Variants in DCPS observed in about 807,000 individuals in gnomAD.
The protein encoded by DCPS is decapping enzyme, scavenger.
In DCPS, 27 loss-of-function variants were observed where a neutral mutation model predicts 34.7. The observed-to-expected ratio is 0.78, with a 90% CI of 0.57 to 1.07. The LOEUF (loss-of-function observed/expected upper bound fraction) is 1.07, where lower values mean the gene tolerates loss of function less well. Among genes scored for constraint, DCPS ranks in the 50% least tolerant of loss-of-function variants. The pLI is 0.00. For synonymous variants in DCPS, 185 were observed against 185.7 expected (o/e 1.00, Z 0.03); for missense variants, 464 against 436.9 (o/e 1.06, Z -0.55).
intron 5 of DCPS, among the ~76,000 whole-genome samples, chr11:126,343,627 C>A (rs1266442004): frequency 6.6e-6 from 1 of 152,162 alleles, no homozygotes; most frequent in Non-Finnish European, 1.5e-5. Context: ...CCTCACACGC[C>A]TTCCTCGGCC....
rs1190036192 is a variant in DCPS at position 126,323,034 on chromosome 11, G to A, written c.377-8371G>A. Reference sequence around the variant, plus strand: ...TAGAGATGGGGTCTTGCCATGTAGCGCAGGCTGGTCTCGAACTCCTGGGCT... The same window carrying A: ...TAGAGATGGGGTCTTGCCATGTAGCACAGGCTGGTCTCGAACTCCTGGGCT... On this transcript the variant is annotated intron_variant, in intron 2 of 5. Coordinates refer to ENST00000263579, the MANE Select transcript of DCPS (RefSeq NM_014026.6). This position sits in a 1 kb window ranked among gnomAD's most constrained non-coding sequence, Gnocchi z 4.4. 2.6e-5 allele frequency among the ~76,000 whole-genome samples: 4 copies of A among 151,980 alleles called. No individual in the cohort carries two copies. Among genetic ancestry groups the A allele is most frequent in the East Asian group, 1.9e-4 (1 of 5,176 alleles).
intron 1 of DCPS, among the ~76,000 whole-genome samples, chr11:126,305,243 A>T: frequency 6.6e-6 from 1 of 151,774 alleles, no homozygotes. Context: ...CCTGCCCAAT[A>T]GCTGGGATTA....
At chr11:126,314,637 A>T (rs1261103179) in intron 2 of DCPS, among the ~76,000 whole-genome samples, 1 of 152,180 alleles carries the variant, frequency 6.6e-6, no homozygotes, top group Admixed American at 6.5e-5. Flanking sequence ...GGTATATATC[A>T]TACCATGGAA....
intron 2 of DCPS, among the ~76,000 whole-genome samples, chr11:126,326,056 T>A (rs1389687038): frequency 1.3e-5 from 2 of 152,202 alleles, no homozygotes; most frequent in Non-Finnish European, 2.9e-5. Context: ...AGGCGGAGGT[T>A]GCAGTGAGCC....
rs1329800716 is a variant in DCPS, at chr11:126,320,233, T to C, written c.377-11172T>C. Among the ~76,000 whole-genome samples the C allele has an allele frequency of 6.6e-6, 1 of 152,152 alleles. No individual in the cohort carries two copies. The highest frequency in any genetic ancestry group is 1.5e-5 in the Non-Finnish European group (1 of 68,018). On this transcript the variant is annotated intron_variant, in intron 2 of 5. Coordinates refer to ENST00000263579, the MANE Select transcript of DCPS (RefSeq NM_014026.6). The surrounding 1 kb of genome is among the most constrained non-coding windows in gnomAD (Gnocchi z 4.7). ...ACTGTACTGTGAGGTCTAATCAGTG[T>C]CGGGTGTTATCTTAGGCACTGCACA...
At chr11:126,308,231 G>A (rs980715122) in intron 2 of DCPS, among the ~76,000 whole-genome samples, 1 of 152,250 alleles carries the variant, frequency 6.6e-6, no homozygotes, top group Admixed American at 6.5e-5. Flanking sequence ...GAGACTGGTT[G>A]ACCTTAAAGA....
intron 2 of DCPS, among the ~76,000 whole-genome samples, chr11:126,324,533 C>G (rs991626766): frequency 2.0e-5 from 3 of 150,746 alleles, no homozygotes; most frequent in Admixed American, 6.6e-5. Flanking sequence ...GCGCTCATCA[C>G]AACCTCCGTT....
chr11:126,317,598 T>G, intron 2 of DCPS, among the ~76,000 whole-genome samples: 1 of 152,212 alleles, frequency 6.6e-6, no homozygotes, highest in East Asian at 1.9e-4. Context: ...TATTTCACAG[T>G]GCAGCACAGT....
At chr11:126,317,113 C>T (rs558831546) in intron 2 of DCPS, among the ~76,000 whole-genome samples, 1 of 152,146 alleles carries the variant, frequency 6.6e-6, no homozygotes, top group African/African-American at 2.4e-5. Flanking sequence ...CGCGTGCCAC[C>T]ACGCCCAGTT....
Position 126,345,325 on chromosome 11 carries a change from C to A in DCPS, c.748-22C>A, listed in dbSNP as rs1951910152. On this transcript the variant is annotated intron_variant, in intron 5 of 5. Coordinates refer to ENST00000263579, the MANE Select transcript of DCPS (RefSeq NM_014026.6). The surrounding 1 kb of genome is among the most constrained non-coding windows in gnomAD (Gnocchi z 7.4). Reference sequence around the variant, plus strand: ...CTCAGGCAGCACGGTGACTCCTGACCTGCCTGCCCCTGTCTCATCAGGAGG... The same window carrying A: ...CTCAGGCAGCACGGTGACTCCTGACATGCCTGCCCCTGTCTCATCAGGAGG... 1 of 1,612,586 alleles carries A rather than the reference C, an allele frequency of 6.2e-7. No individual in the cohort carries two copies. The highest frequency in any genetic ancestry group is 1.7e-5 in the Admixed American group (1 of 59,982).
rs1165260410 is a variant in DCPS, at chr11:126,305,413, C to CTTTTTTTTTTTT, written c.202-1144_202-1133dup. Among the ~76,000 whole-genome samples the CTTTTTTTTTTTT allele has an allele frequency of 2.6e-4, 18 of 68,324 alleles. 1 individual carries two copies. The highest frequency in any genetic ancestry group is 4.2e-4 in the Non-Finnish European group (15 of 36,126). The allele number at this position is 68,324 out of a possible 152,430, so 44.8% of individuals were successfully genotyped here. A position where few individuals can be genotyped will look rare whatever the true frequency, so the allele number is the denominator to read the frequency against. On this transcript the variant is annotated intron_variant, in intron 1 of 5. Transcript: ENST00000263579. Reference sequence around the variant, plus strand: ...TACAGGCGTGAGCCACCGCACCCGCCTTTTTTTTTTTTTTTTTTTTTTTTG... The same window carrying CTTTTTTTTTTTT: ...TACAGGCGTGAGCCACCGCACCCGCCTTTTTTTTTTTTTTTTTTTTTTTTTTTTTTTTTTTTG...
At chr11:126,305,302 T>A (rs559346604) in intron 1 of DCPS, among the ~76,000 whole-genome samples, 163 of 145,384 alleles carry the variant, frequency 1.1e-3, no homozygotes, top group Non-Finnish European at 1.9e-3. Context: ...TTAGTAGAGA[T>A]GGGGGTTTCA....
rs1203452776 is a variant in DCPS, at chr11:126,323,346, T to G, written c.377-8059T>G. Among the ~76,000 whole-genome samples, 1 of 152,228 alleles carries G rather than the reference T, an allele frequency of 6.6e-6. No homozygotes were observed. Among genetic ancestry groups the G allele is most frequent in the African/African-American group, 2.4e-5 (1 of 41,456 alleles). ...TCAAAATACAATTATTGTTTTACCT[T>G]GAGCGGTAGAAAGTTCAGCTTTAGA... is the stretch of plus-strand genomic sequence containing the variant. On this transcript the variant is annotated intron_variant, in intron 2 of 5. Coordinates refer to ENST00000263579, the MANE Select transcript of DCPS (RefSeq NM_014026.6). The surrounding 1 kb of genome is among the most constrained non-coding windows in gnomAD (Gnocchi z 4.4).
At position 126,345,338 on chromosome 11, in the gene DCPS, T is replaced by G. The variant is rs1951910591; in HGVS notation, c.748-9T>G. The G allele has an allele frequency of 2.5e-6, 4 of 1,613,342 alleles. No homozygotes were observed. In the South Asian group the frequency reaches 3.3e-5, roughly 13 times the overall value. ...GTGACTCCTGACCTGCCTGCCCCTG[T>G]CTCATCAGGAGGCCATCCTGCAGCG... On this transcript the variant is annotated splice_polypyrimidine_tract_variant and intron_variant, in intron 5 of 5. Transcript: ENST00000263579. This position sits in a 1 kb window ranked among gnomAD's most constrained non-coding sequence, Gnocchi z 7.4.
In DCPS at chr11:126,338,337, G is replaced by C. The variant is rs139170738; in HGVS notation, c.574G>C (p.Glu192Gln). 3.5e-4 allele frequency: 573 copies of C among 1,614,148 alleles called. 10 individuals carry two copies. The East Asian group carries it at 0.013, about 35-fold the overall frequency. Residue 192 changes from glutamate to glutamine, a missense_variant, in exon 4 of 6, where the codon GAG becomes CAG. Transcript: ENST00000263579. The surrounding 1 kb of genome is among the most constrained non-coding windows in gnomAD (Gnocchi z 5.4). ...KKAEADRIVF[E>Q]NPDPSDGFVL... ...GGCTGAAGCGGACCGGATTGTTTTC[G>C]AGAACCCAGATCCCTCTGATGGTTT...
chr11:126,316,941 C>T (rs1951664199), intron 2 of DCPS, among the ~76,000 whole-genome samples: 1 of 147,602 alleles, frequency 6.8e-6, no homozygotes, highest in South Asian at 2.1e-4. Flanking sequence ...CAGGTGTGAC[C>T]CACCATGCCC....
chr11:126,326,653 G>A (rs1413404077), intron 2 of DCPS, among the ~76,000 whole-genome samples: 1 of 152,210 alleles, frequency 6.6e-6, no homozygotes, highest in Non-Finnish European at 1.5e-5. Flanking sequence ...GCCGGGCGCA[G>A]TGGCTCACGC....
chr11:126,345,677 A>T lies in DCPS; in HGVS notation c.*64A>T. On this transcript the variant is annotated 3_prime_UTR_variant, in exon 6 of 6. Coordinates refer to ENST00000263579, the MANE Select transcript of DCPS (RefSeq NM_014026.6). The surrounding 1 kb of genome is among the most constrained non-coding windows in gnomAD (Gnocchi z 7.4). ...GGGAGGAGTGGGGACAAGATTTTTT[A>T]TCTCCAAGTGAATTTTCTAAAAATG... is the stretch of plus-strand genomic sequence containing the variant. The T allele has an allele frequency of 6.4e-7, 1 of 1,566,862 alleles. No individual in the cohort carries two copies. Among genetic ancestry groups the T allele is most frequent in the Non-Finnish European group, 8.6e-7 (1 of 1,159,036 alleles).
chr11:126,311,061 G>C (rs1304191963), intron 2 of DCPS, among the ~76,000 whole-genome samples: 1 of 152,046 alleles, frequency 6.6e-6, no homozygotes, highest in South Asian at 2.1e-4. Context: ...CTCCTCATTC[G>C]TTTATCCCCT....
Sources: allele counts gnomAD v4.1 joint callset (sites outside exome capture counted in the v4.1 genomes callset), GRCh38; gene constraint gnomAD v4.1.1; non-coding constraint Gnocchi (gnomAD v3.1); transcripts MANE v1.5; gene names NCBI Gene and HGNC (gene_info 2026-07-23, HGNC 2026-07-21).